GLIS3: variants seen among roughly 807,000 people sequenced by gnomAD.
The protein encoded by GLIS3 is zinc finger protein GLIS3.
GLIS3 carries 53 observed loss-of-function variants against 78.6 expected under a neutral mutation model. That is an observed-to-expected ratio of 0.67 (90% confidence interval 0.54 to 0.85). The LOEUF (loss-of-function observed/expected upper bound fraction) is 0.85. Ranked by LOEUF, GLIS3 falls within the 40% of genes least tolerant of loss-of-function variation. GLIS3 has a pLI of 0.00. For synonymous variants in GLIS3, 684 were observed against 509.9 expected (o/e 1.34, Z -4.60); for missense variants, 1,703 against 1,231.1 (o/e 1.38, Z -5.74).
rs185216906 is a variant in GLIS3 at position 4,246,531 on chromosome 9, T to C, written c.388+39507A>G. On this transcript the variant is annotated intron_variant, in intron 2 of 10. Transcript: ENST00000381971. ...TCTGCAGTTGTTTCAGGATGTCTAA[T>C]GTCTCCCTTAAAACATAAGCCGTGA... is the stretch of plus-strand genomic sequence containing the variant. Among the ~76,000 whole-genome samples the C allele has an allele frequency of 3.2e-4, 49 of 152,342 alleles. No individual in the cohort carries two copies. In the East Asian group the frequency reaches 7.9e-3, roughly 25 times the overall value.
intron 1 of GLIS3, among the ~76,000 whole-genome samples, chr9:4,295,480 A>G (rs1816397822): frequency 6.6e-6 from 1 of 152,168 alleles, no homozygotes; most frequent in African/African-American, 2.4e-5. Context: ...ATTTGACCTA[A>G]TAAAAGGTTG....
intron 2 of GLIS3, among the ~76,000 whole-genome samples, chr9:4,134,651 G>C (rs1044642986): frequency 1.1e-4 from 16 of 152,272 alleles, no homozygotes; most frequent in African/African-American, 3.6e-4. Flanking sequence ...GTTACGGAAT[G>C]ATATTTTTAG....
At chr9:4,383,881 C>T in the GLIS3 span, among the ~76,000 whole-genome samples, 3 of 152,196 alleles carry the variant, frequency 2.0e-5, no homozygotes, top group Admixed American at 6.5e-5. Flanking sequence ...AAATGGGCTT[C>T]TCCTTGTCTA....
intron 8 of GLIS3, among the ~76,000 whole-genome samples, chr9:3,865,527 A>G (rs187561770): frequency 1.8e-4 from 27 of 152,366 alleles, no homozygotes; most frequent in African/African-American, 6.0e-4. Flanking sequence ...GAAACAGCAT[A>G]TGACAAGAAC....
chr9:4,021,370 G>A (rs1039408842), intron 4 of GLIS3, among the ~76,000 whole-genome samples: 1 of 152,056 alleles, frequency 6.6e-6, no homozygotes, highest in Non-Finnish European at 1.5e-5. Context: ...ATGGTCCTTT[G>A]CAAAACCTAT....
intron 2 of GLIS3, among the ~76,000 whole-genome samples, chr9:4,320,550 A>T (rs1047471807): frequency 6.6e-6 from 1 of 151,900 alleles, no homozygotes; most frequent in African/African-American, 2.4e-5. Context: ...AATATTCTCA[A>T]ATCTGTCTGT....
intron 4 of GLIS3, among the ~76,000 whole-genome samples, chr9:3,967,161 T>C (rs1006231878): frequency 6.6e-6 from 1 of 152,208 alleles, no homozygotes; most frequent in Non-Finnish European, 1.5e-5. Context: ...CAATTCATTT[T>C]CAGTTACTGT....
the GLIS3 span, among the ~76,000 whole-genome samples, chr9:4,432,105 G>C: frequency 1.3e-5 from 2 of 152,282 alleles, no homozygotes; most frequent in African/African-American, 4.8e-5. Flanking sequence ...AGTAGAGAAA[G>C]GGAGAGCACC....
the GLIS3 span, among the ~76,000 whole-genome samples, chr9:4,450,102 AAAGAT>A: frequency 6.6e-6 from 1 of 152,230 alleles, no homozygotes; most frequent in African/African-American, 2.4e-5. Flanking sequence ...AACCTTGAAA[AAAGAT>A]AAGATGAATG....
the GLIS3 span, among the ~76,000 whole-genome samples, chr9:4,456,379 G>A: frequency 1.3e-5 from 2 of 152,082 alleles, no homozygotes; most frequent in African/African-American, 4.8e-5. Context: ...CTGCGTGGAT[G>A]GTCTCTTCCT....
At chr9:4,434,198 T>G in the GLIS3 span, among the ~76,000 whole-genome samples, 2 of 152,056 alleles carry the variant, frequency 1.3e-5, no homozygotes. Context: ...TTAATGTATA[T>G]AGTTATTTAT....
chr9:4,061,896 G>A (rs1212692460), intron 4 of GLIS3, among the ~76,000 whole-genome samples: 2 of 152,202 alleles, frequency 1.3e-5, no homozygotes, highest in Non-Finnish European at 2.9e-5. Context: ...TGTTCAGGGT[G>A]TCCTGAGACA....
At chr9:4,034,929 A>G (rs1824179852) in intron 4 of GLIS3, 1 of 152,116 alleles carries the variant, frequency 6.6e-6, no homozygotes, top group African/African-American at 2.4e-5. Flanking sequence ...GTTACTTCAT[A>G]TTCTCTTGTA....
chr9:4,458,660 C>A, the GLIS3 span, among the ~76,000 whole-genome samples: 86,195 of 151,734 alleles, frequency 0.57, 24,975 homozygotes, highest in South Asian at 0.71. Context: ...TGGTGGCGCA[C>A]GTCTGTAGTC....
intron 2 of GLIS3, among the ~76,000 whole-genome samples, chr9:4,160,100 C>T (rs1338198124): frequency 6.6e-6 from 1 of 152,186 alleles, no homozygotes; most frequent in Non-Finnish European, 1.5e-5. Context: ...AAGGAGATAG[C>T]CTGCTAGAAA....
chr9:4,364,756 C>CTTTTTTTTTTTTTTTTTTT, the GLIS3 span, among the ~76,000 whole-genome samples: 4 of 61,076 alleles, frequency 6.5e-5, 1 homozygote, highest in East Asian at 6.0e-4. Flanking sequence ...TCATGTATTG[C>CTTTTTTTTTTTTTTTTTTT]TTTTTTTTTT....
chr9:4,408,272 C>A, the GLIS3 span, among the ~76,000 whole-genome samples: 2 of 151,844 alleles, frequency 1.3e-5, no homozygotes, highest in Non-Finnish European at 2.9e-5. Context: ...AGTATATATC[C>A]GAAAGAAAGG....
intron 4 of GLIS3, among the ~76,000 whole-genome samples, chr9:4,085,898 T>A (rs891629251): frequency 6.6e-6 from 1 of 152,232 alleles, no homozygotes; most frequent in Non-Finnish European, 1.5e-5. Flanking sequence ...CTGTAAAGCC[T>A]GCAGAACTGT....
chr9:4,156,463 C>A (rs1384663111), intron 2 of GLIS3, among the ~76,000 whole-genome samples: 1 of 152,164 alleles, frequency 6.6e-6, no homozygotes, highest in East Asian at 1.9e-4. Context: ...TATAACAATT[C>A]CTGTGTTAAG....
Sources: gnomAD v4.1 joint callset for allele counts (sites outside exome capture counted in the v4.1 genomes callset) on GRCh38, gnomAD v4.1.1 for gene constraint, MANE v1.5 for transcripts, NCBI Gene and HGNC (gene_info 2026-07-23, HGNC 2026-07-21) for gene names.